The following PPP2R2B variants were observed in gnomAD, a reference collection of about 807,000 sequenced individuals.
PPP2R2B encodes the protein serine/threonine-protein phosphatase 2A 55 kDa regulatory subunit B beta isoform.
A neutral mutation model predicts 46.0 loss-of-function variants in PPP2R2B; 5 were observed. The observed-to-expected ratio is 0.11, with a 90% CI of 0.06 to 0.23. The LOEUF (loss-of-function observed/expected upper bound fraction) is 0.23. Among genes scored for constraint, PPP2R2B ranks in the 10% least tolerant of loss-of-function variants. The pLI is 1.00. For missense variants in PPP2R2B, 367 were observed against 575.0 expected (o/e 0.64, Z 3.70); for synonymous variants, 215 against 206.7 (o/e 1.04, Z -0.34).
intron 2 of PPP2R2B, among the ~76,000 whole-genome samples, chr5:146,849,421 T>C (rs1250104845): frequency 2.0e-5 from 3 of 152,180 alleles, no homozygotes; most frequent in Non-Finnish European, 4.4e-5. Flanking sequence ...TAGTGAGAAA[T>C]GACTGTAAGC....
chr5:146,997,329 A>C (rs1267013486), intron 1 of PPP2R2B, among the ~76,000 whole-genome samples: 1 of 152,156 alleles, frequency 6.6e-6, no homozygotes, highest in East Asian at 1.9e-4. Flanking sequence ...CCTGGTAAAA[A>C]ACACTTGTGT....
intron 1 of PPP2R2B, among the ~76,000 whole-genome samples, chr5:146,915,210 A>G (rs1479590605): frequency 1.3e-5 from 2 of 152,102 alleles, no homozygotes; most frequent in Non-Finnish European, 2.9e-5. Flanking sequence ...AATTTGCTGT[A>G]CTCTGCCAAG....
At chr5:146,625,447 G>A (rs1773986401) in intron 7 of PPP2R2B, among the ~76,000 whole-genome samples, 1 of 152,140 alleles carries the variant, frequency 6.6e-6, no homozygotes, top group Non-Finnish European at 1.5e-5. Flanking sequence ...AATGACTATA[G>A]TTGTTTACCT....
intron 8 of PPP2R2B, among the ~76,000 whole-genome samples, chr5:146,596,122 T>C (rs936417627): frequency 3.3e-5 from 5 of 152,234 alleles, no homozygotes; most frequent in South Asian, 2.1e-4. Context: ...ATAGAAGATA[T>C]GTAAATGACT....
intron 1 of PPP2R2B, among the ~76,000 whole-genome samples, chr5:147,038,203 C>A (rs1046711791): frequency 6.6e-6 from 1 of 152,126 alleles, no homozygotes; most frequent in Non-Finnish European, 1.5e-5. Flanking sequence ...CTGGGGATGG[C>A]TCATTGAACA....
chr5:146,745,160 CAGAG>C (rs747573157), intron 2 of PPP2R2B, among the ~76,000 whole-genome samples: 2,291 of 95,002 alleles, frequency 0.024, 33 homozygotes, highest in Admixed American at 0.062. Flanking sequence ...CAGAGAAAGA[CAGAG>C]AGAGAGAGAG....
intron 1 of PPP2R2B, among the ~76,000 whole-genome samples, chr5:147,036,268 T>C (rs1297198716): frequency 6.6e-6 from 1 of 152,182 alleles, no homozygotes; most frequent in East Asian, 1.9e-4. Context: ...ATGCAGTATT[T>C]GGTTTTCTGT....
intron 2 of PPP2R2B, among the ~76,000 whole-genome samples, chr5:146,713,534 C>T (rs1331209253): frequency 6.6e-6 from 1 of 152,148 alleles, no homozygotes; most frequent in African/African-American, 2.4e-5. Flanking sequence ...ACTGCTTTTA[C>T]AAGACTCAAT....
intron 1 of PPP2R2B, among the ~76,000 whole-genome samples, chr5:146,889,914 C>A (rs1762442571): frequency 6.6e-6 from 1 of 152,112 alleles, no homozygotes; most frequent in South Asian, 2.1e-4. Context: ...TAGGTCTAGC[C>A]CGTCATTTTG....
chr5:147,065,765 T>C (rs1757397836), intron 2 of PPP2R2B, among the ~76,000 whole-genome samples: 1 of 152,060 alleles, frequency 6.6e-6, no homozygotes, highest in Non-Finnish European at 1.5e-5. Context: ...GAGCCAAGAA[T>C]GATTCTTGGG....
At chr5:146,674,723 T>C (rs1382559215) in intron 5 of PPP2R2B, among the ~76,000 whole-genome samples, 1 of 152,172 alleles carries the variant, frequency 6.6e-6, no homozygotes, top group Non-Finnish European at 1.5e-5. Flanking sequence ...TCCCTTTCAA[T>C]GTAGGTGCCA....
At chr5:147,076,993 A>T (rs1179554036) in intron 2 of PPP2R2B, among the ~76,000 whole-genome samples, 2 of 140,824 alleles carry the variant, frequency 1.4e-5, no homozygotes, top group Admixed American at 1.4e-4. Context: ...GCACATAAGT[A>T]TCTTGCACCA....
chr5:146,729,733 G>T (rs1752113391), intron 2 of PPP2R2B, among the ~76,000 whole-genome samples: 1 of 152,212 alleles, frequency 6.6e-6, no homozygotes, highest in Admixed American at 6.5e-5. Context: ...GCTTCCATGT[G>T]GTATTGAGCC....
intron 7 of PPP2R2B, among the ~76,000 whole-genome samples, chr5:146,619,216 G>T (rs1773468787): frequency 6.6e-6 from 1 of 151,160 alleles, no homozygotes; most frequent in South Asian, 2.1e-4. Flanking sequence ...AAACTAGAGT[G>T]TCCACACCCT....
At chr5:146,694,836 T>C (rs1779082764) in intron 4 of PPP2R2B, among the ~76,000 whole-genome samples, 5 of 152,110 alleles carry the variant, frequency 3.3e-5, no homozygotes, top group South Asian at 2.1e-4. Flanking sequence ...TATGTAACTG[T>C]TTTTAGTAAA....
chr5:146,970,267 C>A (rs1752605860), intron 1 of PPP2R2B, among the ~76,000 whole-genome samples: 1 of 152,162 alleles, frequency 6.6e-6, no homozygotes, highest in African/African-American at 2.4e-5. Flanking sequence ...ACACCCTGAA[C>A]TATAATGTTG....
At chr5:146,981,646 A>G (rs1753182838) in intron 1 of PPP2R2B, among the ~76,000 whole-genome samples, 1 of 152,166 alleles carries the variant, frequency 6.6e-6, no homozygotes, top group African/African-American at 2.4e-5. Context: ...ATAATATACT[A>G]TCACAACCAA....
intron 1 of PPP2R2B, among the ~76,000 whole-genome samples, chr5:146,981,379 T>A (rs1422786720): frequency 6.6e-6 from 1 of 152,160 alleles, no homozygotes; most frequent in Non-Finnish European, 1.5e-5. Context: ...TATAATGAGT[T>A]ATTTTTTTTT....
At chr5:146,676,852 G>A (rs545985402) in intron 5 of PPP2R2B, among the ~76,000 whole-genome samples, 1 of 152,190 alleles carries the variant, frequency 6.6e-6, no homozygotes, top group Non-Finnish European at 1.5e-5. Context: ...AGAAACCGAG[G>A]TGGTGCTTAT....
Sources: allele counts gnomAD v4.1 joint callset (sites outside exome capture counted in the v4.1 genomes callset), GRCh38; gene constraint gnomAD v4.1.1; transcripts MANE v1.5; gene names NCBI Gene and HGNC (gene_info 2026-07-23, HGNC 2026-07-21).